THSD4: variants seen among roughly 807,000 people sequenced by gnomAD.
The protein encoded by THSD4 is thrombospondin type 1 domain containing 4.
THSD4 carries 69 observed loss-of-function variants against 119.0 expected under a neutral mutation model. The observed-to-expected ratio is 0.58, with a 90% CI of 0.48 to 0.71. THSD4 has a LOEUF of 0.71. THSD4 is among the 30% of genes least tolerant of loss of function. The pLI is 0.00. For missense variants in THSD4, 1,393 were observed against 1,391.1 expected (o/e 1.00, Z -0.02); for synonymous variants, 524 against 540.4 (o/e 0.97, Z 0.42).
intron 6 of THSD4, among the ~76,000 whole-genome samples, chr15:71,334,919 A>G (rs896045504): frequency 2.0e-5 from 3 of 152,212 alleles, no homozygotes; most frequent in Admixed American, 6.5e-5. Flanking sequence ...GAAGCTGCAC[A>G]TTCAGAAACA....
chr15:71,430,366 T>C (rs988882091), intron 7 of THSD4, among the ~76,000 whole-genome samples: 1 of 152,198 alleles, frequency 6.6e-6, no homozygotes, highest in Non-Finnish European at 1.5e-5. Context: ...GCCTGATTAC[T>C]TGCATAAAGT....
chr15:71,736,386 ACT>A lies in THSD4; in HGVS notation c.1631-1343_1631-1342del, dbSNP rs1280939308. ...TGCTCTCTGTTTCTGTCTCTCTCGCACTCTGTCTCTCTCGCTCTCTGACTGTC... is the reference window on the plus strand; with the variant it reads ...TGCTCTCTGTTTCTGTCTCTCTCGCACTGTCTCTCTCGCTCTCTGACTGTC... On this transcript the variant is annotated intron_variant, in intron 10 of 17. Coordinates refer to ENST00000261862, the MANE Select transcript of THSD4 (RefSeq NM_024817.3). Among the ~76,000 whole-genome samples, 14 of 93,784 alleles carry A rather than the reference ACT, an allele frequency of 1.5e-4. No individual in the cohort carries two copies. The East Asian group carries it at 2.6e-3, about 17-fold the overall frequency. The allele number at this position is 93,784 out of a possible 152,430, so 61.5% of individuals were successfully genotyped here.
chr15:71,743,261 G>A (rs144134634), intron 11 of THSD4, among the ~76,000 whole-genome samples: 2 of 152,276 alleles, frequency 1.3e-5, no homozygotes, highest in East Asian at 3.9e-4. Context: ...ATGGGAGCCT[G>A]TATCCTTTTG....
At chr15:71,337,543 C>A (rs1596346445) in intron 6 of THSD4, among the ~76,000 whole-genome samples, 1 of 152,194 alleles carries the variant, frequency 6.6e-6, no homozygotes, top group African/African-American at 2.4e-5. Flanking sequence ...ACAGGTCTGG[C>A]CTGATAAATA....
intron 6 of THSD4, among the ~76,000 whole-genome samples, chr15:71,259,035 C>A (rs1277881044): frequency 4.0e-5 from 6 of 151,898 alleles, no homozygotes; most frequent in African/African-American, 1.2e-4. Flanking sequence ...ATCGCTTGAA[C>A]CTGGGAAGCG....
chr15:71,611,614 T>C (rs901881243), intron 7 of THSD4, among the ~76,000 whole-genome samples: 4 of 152,126 alleles, frequency 2.6e-5, no homozygotes, highest in African/African-American at 9.7e-5. Flanking sequence ...CAAGCAACCA[T>C]TGTGTAATAT....
chr15:71,394,840 T>G (rs2046426266), intron 6 of THSD4, among the ~76,000 whole-genome samples: 1 of 152,240 alleles, frequency 6.6e-6, no homozygotes, highest in Admixed American at 6.5e-5. Context: ...TTTTGTGTAT[T>G]TAATAAAATT....
chr15:71,287,797 C>A (rs1567182362), intron 6 of THSD4, among the ~76,000 whole-genome samples: 2 of 152,168 alleles, frequency 1.3e-5, no homozygotes, highest in Non-Finnish European at 2.9e-5. Flanking sequence ...ATGTTCTGAG[C>A]TGGTAGAGTT....
chr15:71,366,354 C>T (rs2045964337), intron 6 of THSD4, among the ~76,000 whole-genome samples: 1 of 152,088 alleles, frequency 6.6e-6, no homozygotes, highest in African/African-American at 2.4e-5. Flanking sequence ...GAAACAGCTC[C>T]CGGCTGTCCA....
chr15:71,544,800 C>A (rs2048812721), intron 7 of THSD4, among the ~76,000 whole-genome samples: 1 of 152,154 alleles, frequency 6.6e-6, no homozygotes. Flanking sequence ...TGTGGTATAT[C>A]CATACAATGG....
chr15:71,397,113 A>G (rs1317945458), intron 6 of THSD4, among the ~76,000 whole-genome samples: 4 of 152,218 alleles, frequency 2.6e-5, no homozygotes, highest in African/African-American at 9.6e-5. Context: ...TTACCTCTGC[A>G]GCCTCACCAG....
Position 71,207,813 on chromosome 15 carries a change from C to T in THSD4, c.100-7222C>T, listed in dbSNP as rs143882952. ...TTCATCCTGAAACCATCTCTACCCC[C>T]GCCACCACCACATCTGTGGAAAAAT... On this transcript the variant is annotated intron_variant, in intron 3 of 17. Coordinates refer to ENST00000261862, the MANE Select transcript of THSD4 (RefSeq NM_024817.3). 3.5e-3 allele frequency among the ~76,000 whole-genome samples: 537 copies of T among 152,318 alleles called. 2 individuals are homozygous for T. The highest frequency in any genetic ancestry group is 5.9e-3 in the Non-Finnish European group (400 of 68,026).
At chr15:71,770,887 G>A (rs2053810461) in intron 16 of THSD4, among the ~76,000 whole-genome samples, 177 bp from the exon 17 acceptor site, 1 of 152,180 alleles carries the variant, frequency 6.6e-6, no homozygotes, top group Non-Finnish European at 1.5e-5. Flanking sequence ...GATATGGATA[G>A]GACACACCTG....
intron 3 of THSD4, among the ~76,000 whole-genome samples, chr15:71,156,444 A>G (rs1596229936): frequency 6.6e-6 from 1 of 152,088 alleles, no homozygotes; most frequent in East Asian, 1.9e-4. Flanking sequence ...TATGATCAGT[A>G]GAGACAGTGT....
At chr15:71,512,823 C>T (rs1403550707) in intron 7 of THSD4, among the ~76,000 whole-genome samples, 6 of 152,044 alleles carry the variant, frequency 3.9e-5, no homozygotes, top group Non-Finnish European at 5.9e-5. Flanking sequence ...AACATCCATA[C>T]GAGAGTAGGG....
At chr15:71,648,864 G>A (rs1221674383) in intron 7 of THSD4, among the ~76,000 whole-genome samples, 2 of 152,150 alleles carry the variant, frequency 1.3e-5, no homozygotes, top group East Asian at 1.9e-4. Flanking sequence ...TCTGAATTAG[G>A]TACCTTCATT....
intron 6 of THSD4, among the ~76,000 whole-genome samples, chr15:71,349,603 A>G (rs953030616): frequency 6.6e-6 from 1 of 152,234 alleles, no homozygotes; most frequent in African/African-American, 2.4e-5. Context: ...TCTGGGAGGT[A>G]GCATTCCCAT....
chr15:71,724,287 A>ATATATATATATATATATATATATATTT lies in THSD4; in HGVS notation c.1358-4261_1358-4260insATATATATATATATATATATATATTTT. 3.9e-3 allele frequency among the ~76,000 whole-genome samples: 144 copies of ATATATATATATATATATATATATATTT among 37,098 alleles called. 2 individuals are homozygous for ATATATATATATATATATATATATATTT. The highest frequency in any genetic ancestry group is 8.8e-3 in the East Asian group (5 of 568). 24.3% of individuals were successfully genotyped at this position (37,098 alleles called of 152,430 possible). A position where few individuals can be genotyped will look rare whatever the true frequency, so the allele number is the denominator to read the frequency against. ...ATGGGATATATATATATATATATAT[A>ATATATATATATATATATATATATATTT]TTTTTTTTTTCCCCCCAAGATGGAA... On this transcript the variant is annotated intron_variant, in intron 8 of 17. Transcript: ENST00000261862.
At chr15:71,486,998 T>C (rs140711308) in intron 7 of THSD4, among the ~76,000 whole-genome samples, 3,433 of 152,306 alleles carry the variant, frequency 0.023, 68 homozygotes, top group Non-Finnish European at 0.036. Context: ...ATCTCTCAGA[T>C]GTAGCTCCCT....
Sources: gnomAD v4.1 joint callset for allele counts (sites outside exome capture counted in the v4.1 genomes callset) on GRCh38, gnomAD v4.1.1 for gene constraint, MANE v1.5 for transcripts, NCBI Gene and HGNC (gene_info 2026-07-23, HGNC 2026-07-21) for gene names.